The following CCDC171 variants were observed in gnomAD, a reference collection of about 807,000 sequenced individuals.
CCDC171 encodes the protein coiled-coil domain-containing protein 171.
A neutral mutation model predicts 168.2 loss-of-function variants in CCDC171; 177 were observed. The ratio of observed to expected loss-of-function variants is 1.05; its 90% CI spans 0.93 to 1.19. The LOEUF (loss-of-function observed/expected upper bound fraction) is 1.19, where lower values mean the gene tolerates loss of function less well. Ranked by LOEUF, CCDC171 falls within the 50% of genes most tolerant of loss-of-function variation. The pLI, the probability that CCDC171 is intolerant of heterozygous loss-of-function variation, is 0.00. For synonymous variants in CCDC171, 687 were observed against 540.8 expected (o/e 1.27, Z -3.75); for missense variants, 1,991 against 1,539.0 (o/e 1.29, Z -4.91).
At chr9:16,017,990 A>G (rs1054282076) in intron 3 of CCDC171, among the ~76,000 whole-genome samples, 2 of 152,194 alleles carry the variant, frequency 1.3e-5, no homozygotes, top group Non-Finnish European at 2.9e-5. Context: ...GCAGCACAAA[A>G]CATGCCCTTA....
intron 11 of CCDC171, among the ~76,000 whole-genome samples, chr9:15,699,222 T>C (rs936900555): frequency 6.6e-6 from 1 of 152,082 alleles, no homozygotes. Flanking sequence ...GTGGTGAGTG[T>C]TACAGGTCTT....
chr9:15,777,805 G>C lies in CCDC171; in HGVS notation c.2877G>C (p.Leu959Phe). 1 of 1,609,932 alleles carries C rather than the reference G, an allele frequency of 6.2e-7. No homozygotes were observed. The highest frequency in any genetic ancestry group is 8.5e-7 in the Non-Finnish European group (1 of 1,178,818). The stretch of plus-strand genomic sequence containing the variant: ...ACACACTGGCCCTGAAATATGGTTT[G>C]CGTGGCCATGTGCCCATTACGGTAT... ...KVNTLALKYG[L>F]RGHVPITKST... The change falls in exon 19 of 26, where the codon TTG (leucine) becomes TTC (phenylalanine). Residue 959 changes from leucine to phenylalanine, a missense_variant. Leu to Phe is a conservative substitution (Grantham distance 22, BLOSUM62 0). Transcript: ENST00000380701.
chr9:16,107,923 A>G, the CCDC171 span, among the ~76,000 whole-genome samples: 1 of 152,202 alleles, frequency 6.6e-6, no homozygotes, highest in East Asian at 1.9e-4. Context: ...ATTTATACAT[A>G]ATTTATACAT....
chr9:15,862,959 G>T (rs2061621837), intron 23 of CCDC171, among the ~76,000 whole-genome samples: 1 of 151,906 alleles, frequency 6.6e-6, no homozygotes, highest in Non-Finnish European at 1.5e-5. Context: ...CTGAGAGCTG[G>T]GCATTTTTTT....
chr9:15,560,796 G>T (rs1320753820), intron 1 of CCDC171, among the ~76,000 whole-genome samples: 2 of 152,048 alleles, frequency 1.3e-5, no homozygotes, highest in Non-Finnish European at 2.9e-5. Context: ...CGTTCTTTTG[G>T]AGGGGGAGAG....
At chr9:15,567,946 C>G (rs964112840) in intron 2 of CCDC171, among the ~76,000 whole-genome samples, 1 of 150,410 alleles carries the variant, frequency 6.6e-6, no homozygotes, top group Admixed American at 6.6e-5. Flanking sequence ...GCCACCATCC[C>G]TGGCCTTGCA....
At chr9:15,645,024 G>A (rs540052592) in intron 7 of CCDC171, among the ~76,000 whole-genome samples, 4 of 152,316 alleles carry the variant, frequency 2.6e-5, no homozygotes, top group Admixed American at 2.6e-4. Flanking sequence ...CACACGGCTG[G>A]GTACCCCTCT....
chr9:16,052,347 G>C (rs143353651), intron 1 of CCDC171, among the ~76,000 whole-genome samples: 1 of 152,274 alleles, frequency 6.6e-6, no homozygotes, highest in Non-Finnish European at 1.5e-5. Flanking sequence ...TGGCCTTCCT[G>C]TCTGCTGCTG....
chr9:15,580,887 C>G (rs1403613774), intron 4 of CCDC171, among the ~76,000 whole-genome samples: 2 of 152,150 alleles, frequency 1.3e-5, no homozygotes, highest in Non-Finnish European at 2.9e-5. Flanking sequence ...AGGATGCCCT[C>G]TCTCACCACT....
intron 23 of CCDC171, among the ~76,000 whole-genome samples, chr9:15,865,297 A>G (rs1053970113): frequency 1.3e-5 from 2 of 152,060 alleles, no homozygotes; most frequent in African/African-American, 4.8e-5. Context: ...ATGTTCCAGA[A>G]ACTGTAGTAG....
chr9:15,716,418 A>G (rs973840710), intron 11 of CCDC171, among the ~76,000 whole-genome samples: 6 of 152,062 alleles, frequency 3.9e-5, no homozygotes, highest in African/African-American at 1.4e-4. Context: ...TATTAGGTTA[A>G]GTCAAATCAC....
At chr9:16,023,703 C>A (rs1833219527) in intron 6 of CCDC171, among the ~76,000 whole-genome samples, 1 of 151,518 alleles carries the variant, frequency 6.6e-6, no homozygotes, top group African/African-American at 2.4e-5. Flanking sequence ...GCTTATTCAA[C>A]TTTTTTTTTG....
intron 1 of CCDC171, among the ~76,000 whole-genome samples, chr9:16,051,171 T>A (rs3008667): frequency 0.26 from 39,745 of 152,086 alleles, 5,446 homozygotes; most frequent in Middle Eastern, 0.32. Flanking sequence ...TTGTTTTCCA[T>A]AATTATATTT....
intron 3 of CCDC171, among the ~76,000 whole-genome samples, chr9:16,007,376 G>A (rs559039174): frequency 6.6e-6 from 1 of 152,144 alleles, no homozygotes; most frequent in South Asian, 2.1e-4. Flanking sequence ...CTCCCATTCT[G>A]TAGGTTGCCT....
intron 24 of CCDC171, among the ~76,000 whole-genome samples, chr9:15,909,809 T>G (rs577971555): frequency 1.1e-4 from 16 of 152,304 alleles, no homozygotes; most frequent in African/African-American, 3.4e-4. Flanking sequence ...AAGACACATT[T>G]TTTTCTAATG....
At chr9:15,733,524 A>G (rs1237562254) in intron 16 of CCDC171, among the ~76,000 whole-genome samples, 1 of 123,030 alleles carries the variant, frequency 8.1e-6, no homozygotes, top group African/African-American at 3.1e-5. Flanking sequence ...AGTAACATTT[A>G]TTGAAATCAC....
chr9:16,060,251 A>C (rs985635792), intron 1 of CCDC171, among the ~76,000 whole-genome samples: 2 of 152,068 alleles, frequency 1.3e-5, no homozygotes, highest in Non-Finnish European at 1.5e-5. Flanking sequence ...GGATAGGGAG[A>C]GAGTTGTCAG....
chr9:15,987,057 T>C (rs1005386748), intron 3 of CCDC171, among the ~76,000 whole-genome samples: 9 of 130,558 alleles, frequency 6.9e-5, no homozygotes, highest in Non-Finnish European at 1.3e-4. Flanking sequence ...GTGATTTGTT[T>C]TTCATAATAT....
At chr9:15,970,939 A>T (rs1421176289) in intron 25 of CCDC171, among the ~76,000 whole-genome samples, 1 of 152,156 alleles carries the variant, frequency 6.6e-6, no homozygotes, top group East Asian at 1.9e-4. Flanking sequence ...TGTACACCGT[A>T]CCTCAGTGAC....
Sources: allele counts gnomAD v4.1 joint callset (sites outside exome capture counted in the v4.1 genomes callset), GRCh38; gene constraint gnomAD v4.1.1; transcripts MANE v1.5; gene names NCBI Gene and HGNC (gene_info 2026-07-23, HGNC 2026-07-21).